The following SERPINA12 variants were observed in gnomAD, a reference collection of about 807,000 sequenced individuals.
SERPINA12 encodes the protein serpin A12.
SERPINA12 carries 21 observed loss-of-function variants against 25.9 expected under a neutral mutation model. The observed-to-expected ratio is 0.81, with a 90% CI of 0.58 to 1.17. SERPINA12 has a LOEUF of 1.17. Among genes scored for constraint, SERPINA12 ranks in the 50% most tolerant of loss-of-function variants. The probability of loss-of-function intolerance (pLI) is 0.00; values close to 1 mark genes in which losing one functional copy is unlikely to be tolerated. For synonymous variants in SERPINA12, 220 were observed against 196.0 expected, an observed-to-expected ratio of 1.12 and a Z score of -1.02; for missense variants, 562 against 508.3, an observed-to-expected ratio of 1.11 and a Z score of -1.02.
At chr14:94,504,038 G>A (rs934474925) in intron 1 of SERPINA12, 1 of 152,192 alleles carries the variant, frequency 6.6e-6, no homozygotes, top group Non-Finnish European at 1.5e-5. Flanking sequence ...CCCACCTGTG[G>A]ACAGTGCTAC....
At chr14:94,496,685 A>AAAAAAG in intron 2 of SERPINA12, 42 bp from the exon 3 acceptor site, 1 of 1,571,834 alleles carries the variant, frequency 6.4e-7, no homozygotes, top group Non-Finnish European at 8.7e-7. Context: ...ATCCCAAGGG[A>AAAAAAG]AAAAAGGTGA....
chr14:94,513,834 C>A (rs912016015), upstream of SERPINA12, among the ~76,000 whole-genome samples: 4 of 152,176 alleles, frequency 2.6e-5, no homozygotes, highest in Admixed American at 6.5e-5. Context: ...GCCAGAATAA[C>A]CTGACCAGTG....
chr14:94,487,608 A>T (rs1389285045), intron 4 of SERPINA12, 114 bp from the exon 5 acceptor site: 8 of 786,780 alleles, frequency 1.0e-5, no homozygotes, highest in Non-Finnish European at 1.6e-5. Context: ...CATCCAGCAC[A>T]GCAGTAACTT....
rs372191209 is a variant in SERPINA12, at chr14:94,496,544, C to A, written c.734G>T (p.Gly245Val). 5 of 1,613,950 alleles carry A rather than the reference C, an allele frequency of 3.1e-6. No individual in the cohort carries two copies. The highest frequency in any genetic ancestry group is 4.2e-6 in the Non-Finnish European group (5 of 1,179,956). ...SVKVPMMFRS[G>V]IYQVGYDDKL... ...ATCGTCATAGCCAACTTGGTATATG[C>A]CACTACGGAACATCATGGGCACCTT... Residue 245 changes from glycine to valine, a missense_variant, in exon 3 of 5, where the codon GGC becomes GTC. Coordinates refer to ENST00000677451, the MANE Select transcript of SERPINA12 (RefSeq NM_001382267.1).
chr14:94,513,754 A>G (rs1901164937), upstream of SERPINA12, among the ~76,000 whole-genome samples: 1 of 152,144 alleles, frequency 6.6e-6, no homozygotes, highest in Non-Finnish European at 1.5e-5. Context: ...CTCAGCTTGA[A>G]ATCTGCGGTG....
intron 3 of SERPINA12, among the ~76,000 whole-genome samples, chr14:94,490,511 T>C (rs1395037181): frequency 6.6e-6 from 1 of 151,822 alleles, no homozygotes; most frequent in Non-Finnish European, 1.5e-5. Flanking sequence ...TGCCTATGTG[T>C]CCTCTCTCTC....
rs1348403080 is a variant in SERPINA12 at position 94,500,992 on chromosome 14, T to C, written c.-33-2562A>G. ...CACTTCCCTCTCTGAACCTGGGTGC[T>C]CTCTAAGCACCTTCTACCCCCAAAA... On this transcript the variant is annotated intron_variant, in intron 1 of 4. Coordinates refer to ENST00000677451, the MANE Select transcript of SERPINA12 (RefSeq NM_001382267.1). 6 of 985,162 alleles carry C rather than the reference T, an allele frequency of 6.1e-6. No homozygotes were observed. The African/African-American group carries it at 7.0e-5, about 11-fold the overall frequency. The allele number at this position is 985,162 out of a possible 1,614,324, so 61.0% of individuals were successfully genotyped here.
intron 3 of SERPINA12, 38 bp from the exon 4 acceptor site, chr14:94,489,805 C>A: frequency 6.2e-7 from 1 of 1,604,088 alleles, no homozygotes; most frequent in Non-Finnish European, 8.5e-7. Context: ...TGGTCAAGTC[C>A]TGTTGTGTTG....
chr14:94,487,437 T>G lies in SERPINA12; in HGVS notation c.1111A>C (p.Thr371Pro), dbSNP rs779649807. The change falls in exon 5 of 5, where the codon ACC (threonine) becomes CCC (proline). Residue 371 changes from threonine (T) to proline (P), a missense_variant. Physicochemically the swap from Thr to Pro is conservative, Grantham distance 38. Coordinates refer to ENST00000677451, the MANE Select transcript of SERPINA12 (RefSeq NM_001382267.1). The part of the protein sequence containing the change: ...DERGTEGAAG[T>P]GAQTLPMETP... ...TCCATGGGCAGAGTCTGTGCTCCGG[T>G]GCCAGCGGCCCCTTCCGTACCCCTC... is the stretch of plus-strand genomic sequence containing the variant. 6.2e-7 allele frequency: 1 copy of G among 1,614,064 alleles called. No homozygotes were observed. Among genetic ancestry groups the G allele is most frequent in the Admixed American group, 1.7e-5 (1 of 60,002 alleles).
At chr14:94,496,042 A>C (rs753140985) in intron 3 of SERPINA12, among the ~76,000 whole-genome samples, 4 of 152,122 alleles carry the variant, frequency 2.6e-5, no homozygotes, top group Non-Finnish European at 5.9e-5. Flanking sequence ...TTGTCCTTGC[A>C]GTTTCCTTTG....
At chr14:94,490,611 A>C (rs1004856381) in intron 3 of SERPINA12, among the ~76,000 whole-genome samples, 2 of 151,758 alleles carry the variant, frequency 1.3e-5, no homozygotes, top group African/African-American at 4.8e-5. Flanking sequence ...TAACACCAAG[A>C]GATCTCTCTT....
chr14:94,495,314 C>T (rs1050279615), intron 3 of SERPINA12, among the ~76,000 whole-genome samples: 13 of 151,768 alleles, frequency 8.6e-5, no homozygotes, highest in East Asian at 3.9e-4. Flanking sequence ...GTGATCCGCC[C>T]GCCTCGGCCT....
At chr14:94,503,322 T>C (rs1354185937) in intron 1 of SERPINA12, 3 of 985,112 alleles carry the variant, frequency 3.0e-6, no homozygotes, top group Admixed American at 1.2e-4. Flanking sequence ...CATGTCCCCA[T>C]TCCACTTGTT....
At chr14:94,507,674 C>A (rs1900978845) in intron 1 of SERPINA12, among the ~76,000 whole-genome samples, 1 of 152,168 alleles carries the variant, frequency 6.6e-6, no homozygotes, top group African/African-American at 2.4e-5. Context: ...TAGAATAGCT[C>A]AGATTAAAAG....
chr14:94,511,958 A>G (rs1901123197), upstream of SERPINA12, among the ~76,000 whole-genome samples: 1 of 152,016 alleles, frequency 6.6e-6, no homozygotes, highest in Non-Finnish European at 1.5e-5. Context: ...ATTAGCTGGG[A>G]GTGGTGTCTC....
At chr14:94,512,246 G>T (rs190345181), upstream of SERPINA12, among the ~76,000 whole-genome samples, 1 of 152,270 alleles carries the variant, frequency 6.6e-6, no homozygotes, top group East Asian at 1.9e-4. Context: ...CCCCTCTCAG[G>T]GGGCATTGTG....
chr14:94,494,259 T>C lies in SERPINA12; in HGVS notation c.905+2114A>G, dbSNP rs573534035. ...TCTCTCAAGACATCTCTGTGAACTC[T>C]AAAAATCTGTAGAGTGCAGGCTGAA... On this transcript the variant is annotated intron_variant, in intron 3 of 4. Coordinates refer to ENST00000677451, the MANE Select transcript of SERPINA12 (RefSeq NM_001382267.1). Among the ~76,000 whole-genome samples the C allele has an allele frequency of 2.0e-5, 3 of 152,264 alleles. No individual in the cohort carries two copies. In the South Asian group the frequency reaches 6.2e-4, roughly 32 times the overall value.
rs534146421 is a variant in SERPINA12, at chr14:94,495,304, G to A, written c.905+1069C>T. On this transcript the variant is annotated intron_variant, in intron 3 of 4. Transcript: ENST00000677451. Reference sequence around the variant, plus strand: ...GGGATGGTCTCGATCTCCTGACCTCGTGATCCGCCCGCCTCGGCCTCCCAA... The same window carrying A: ...GGGATGGTCTCGATCTCCTGACCTCATGATCCGCCCGCCTCGGCCTCCCAA... 9.9e-5 allele frequency among the ~76,000 whole-genome samples: 15 copies of A among 151,964 alleles called. No individual in the cohort carries two copies. In the East Asian group the frequency reaches 1.7e-3, roughly 18 times the overall value.
upstream of SERPINA12, among the ~76,000 whole-genome samples, chr14:94,509,550 C>T (rs60189618): frequency 0.086 from 13,150 of 152,200 alleles, 670 homozygotes; most frequent in Middle Eastern, 0.13. Context: ...GCCTCTGCCA[C>T]CTCCACCCCT....
Sources: allele counts gnomAD v4.1 joint callset (sites outside exome capture counted in the v4.1 genomes callset), GRCh38; gene constraint gnomAD v4.1.1; transcripts MANE v1.5; gene names NCBI Gene and HGNC (gene_info 2026-07-23, HGNC 2026-07-21).